MDN1: variants seen among roughly 807,000 people sequenced by gnomAD.
The protein encoded by MDN1 is midasin AAA ATPase 1, also known as midasin.
In MDN1, 266 loss-of-function variants were observed where a neutral mutation model predicts 669.2. The observed-to-expected ratio is 0.40, with a 90% CI of 0.36 to 0.44. MDN1 has a LOEUF of 0.44. MDN1 is among the 20% of genes least tolerant of loss of function. The pLI is 1.00. For synonymous variants in MDN1, 2,385 were observed against 2,457.1 expected (o/e 0.97, Z 0.87); for missense variants, 5,940 against 6,754.0 (o/e 0.88, Z 4.22).
At chr6:89,813,226 C>T (rs544464524) in intron 1 of MDN1, among the ~76,000 whole-genome samples, 13 of 152,282 alleles carry the variant, frequency 8.5e-5, no homozygotes, top group African/African-American at 2.4e-4. Flanking sequence ...CCTGAGCCAT[C>T]GTGCCCGGCC....
Position 89,664,552 on chromosome 6 carries a change from T to A in MDN1, c.14171A>T (p.Asp4724Val). The change falls in exon 85 of 102, where the codon GAT becomes GTT. Residue 4724 changes from aspartate to valine, a missense_variant. Physicochemically the swap from Asp to Val is radical, Grantham distance 152 (BLOSUM62 -3). Transcript: ENST00000369393. ...PDSKSDIKGE[D>V]NAIEMSEDFD... is the part of the protein sequence containing the mutation. ...ATCTTCCGACATCTCAATGGCATTA[T>A]CCTCGCCCTTAATATCAGATTTTGA... 1 of 1,613,988 alleles carries A rather than the reference T, an allele frequency of 6.2e-7. No homozygotes were observed. The highest frequency in any genetic ancestry group is 8.5e-7 in the Non-Finnish European group (1 of 1,179,850).
chr6:89,805,541 T>C (rs1428295866), intron 1 of MDN1, among the ~76,000 whole-genome samples: 1 of 151,964 alleles, frequency 6.6e-6, no homozygotes, highest in Non-Finnish European at 1.5e-5. Context: ...TAAAGCCCTG[T>C]CTCCCCCCAC....
At chr6:89,701,750 A>G (rs1813176667) in intron 54 of MDN1, 72 bp from the exon 55 acceptor site, 2 of 1,548,950 alleles carry the variant, frequency 1.3e-6, no homozygotes. Context: ...GAAGCCATTA[A>G]TATTTTCTTT....
At chr6:89,780,836 A>T (rs1818632447) in intron 10 of MDN1, among the ~76,000 whole-genome samples, 1 of 149,860 alleles carries the variant, frequency 6.7e-6, no homozygotes, top group Non-Finnish European at 1.5e-5. Flanking sequence ...TTTTTAGTAG[A>T]GATGGGGTTT....
intron 1 of MDN1, among the ~76,000 whole-genome samples, chr6:89,817,691 T>G (rs1443479947): frequency 6.6e-6 from 1 of 152,154 alleles, no homozygotes; most frequent in Non-Finnish European, 1.5e-5. Context: ...GGGAGGTGAC[T>G]CCAGTCAACA....
intron 101 of MDN1, 75 bp from the exon 102 acceptor site, chr6:89,644,268 CTT>C (rs1808335761): frequency 8.2e-7 from 1 of 1,222,764 alleles, no homozygotes; most frequent in Non-Finnish European, 1.1e-6. Context: ...TCTGTGATCT[CTT>C]TTGCTAACTT....
At position 89,771,626 on chromosome 6, in the gene MDN1, T is replaced by C. The variant is rs753930111; in HGVS notation, c.2084-5A>G. 3.1e-6 allele frequency: 5 copies of C among 1,613,308 alleles called. No individual in the cohort carries two copies. The highest frequency in any genetic ancestry group is 1.7e-5 in the Admixed American group (1 of 59,976). On this transcript the variant is annotated splice_polypyrimidine_tract_variant and splice_region_variant and intron_variant, in intron 14 of 101. Transcript: ENST00000369393. The stretch of plus-strand genomic sequence containing the variant: ...TGACAACCCTCAAACGGTGGCCTTT[T>C]ATAAAGAAAGTGCAAAAGTGTTACT...
intron 69 of MDN1, among the ~76,000 whole-genome samples, 178 bp from the exon 70 acceptor site, chr6:89,686,151 G>A (rs1182930930): frequency 6.6e-6 from 1 of 152,212 alleles, no homozygotes; most frequent in Non-Finnish European, 1.5e-5. Context: ...ACAGGCCGGT[G>A]TGGTGGCTCA....
At position 89,712,704 on chromosome 6, in the gene MDN1, A is replaced by G. The variant is rs780187804; in HGVS notation, c.7301T>C (p.Leu2434Pro). 6.2e-7 allele frequency: 1 copy of G among 1,614,196 alleles called. No individual in the cohort carries two copies. The highest frequency in any genetic ancestry group is 2.2e-5 in the East Asian group (1 of 44,886). Reference protein sequence around the residue: ...TWGDSILGMGLWPDSVPSALF... With the variant: ...TWGDSILGMGPWPDSVPSALF... ...AGCTGAGGGCACAGAATCTGGCCAC[A>G]GTCCCATGCCAAGAATGGAGTCTCC... Residue 2434 changes from leucine (L) to proline (P), a missense_variant, in exon 48 of 102, where the codon CTG becomes CCG. Coordinates refer to ENST00000369393, the MANE Select transcript of MDN1 (RefSeq NM_014611.3).
At chr6:89,712,847 C>T (rs1562126838) in intron 47 of MDN1, 61 bp from the exon 48 acceptor site, 61 of 1,485,328 alleles carry the variant, frequency 4.1e-5, no homozygotes, top group Non-Finnish European at 5.5e-5. Context: ...TCCCCAAAAA[C>T]CAGCAAAGTA....
chr6:89,752,921 G>A (rs1195117287), intron 22 of MDN1, among the ~76,000 whole-genome samples: 3 of 151,956 alleles, frequency 2.0e-5, no homozygotes, highest in African/African-American at 7.3e-5. Context: ...TCAGGAGTTC[G>A]AGACCAGCCT....
chr6:89,670,148 ATATATATATATATATATATATATT>A lies in MDN1; in HGVS notation c.13956+747_13956+770del, dbSNP rs1810565384. On this transcript the variant is annotated intron_variant, in intron 83 of 101. Coordinates refer to ENST00000369393, the MANE Select transcript of MDN1 (RefSeq NM_014611.3). ...TCTGTCTCCAAAAAAACATATATAT[ATATATATATATATATATATATATT>A]TTTTTTTTTTTTTTTTTTGAGATGC... Among the ~76,000 whole-genome samples the A allele has an allele frequency of 8.7e-5, 2 of 22,926 alleles. 1 individual carries two copies. The highest frequency in any genetic ancestry group is 1.4e-3 in the Admixed American group (2 of 1,466). The allele number at this position is 22,926 out of a possible 152,430, so 15.0% of individuals were successfully genotyped here.
chr6:89,678,541 A>C (rs576509369), intron 75 of MDN1, 58 bp downstream of exon 75: 1 of 1,576,688 alleles, frequency 6.3e-7, no homozygotes, highest in African/African-American at 1.4e-5. Flanking sequence ...CAGTCATGTC[A>C]TTTCTCTCCC....
intron 100 of MDN1, 122 bp from the exon 101 acceptor site, chr6:89,645,279 C>T: frequency 9.5e-7 from 1 of 1,054,344 alleles, no homozygotes; most frequent in Admixed American, 2.6e-5. Context: ...CTAAACAGAC[C>T]TCTAAAGCTG....
At chr6:89,711,443 G>A (rs1813909685) in intron 49 of MDN1, among the ~76,000 whole-genome samples, 1 of 152,184 alleles carries the variant, frequency 6.6e-6, no homozygotes, top group Non-Finnish European at 1.5e-5. Context: ...GGTATTATAA[G>A]TAATCCAGAG....
intron 1 of MDN1, among the ~76,000 whole-genome samples, chr6:89,817,256 G>A (rs1768903027): frequency 6.6e-6 from 1 of 152,122 alleles, no homozygotes; most frequent in Non-Finnish European, 1.5e-5. Context: ...CATGAGCCAT[G>A]GTCACTCACA....
intron 17 of MDN1, among the ~76,000 whole-genome samples, chr6:89,759,567 C>T (rs1290564880): frequency 1.3e-5 from 2 of 152,056 alleles, no homozygotes; most frequent in Non-Finnish European, 2.9e-5. Flanking sequence ...AGTTCGACAC[C>T]AGCCTGACCA....
At chr6:89,761,176 AAAAG>A (rs992162722) in intron 17 of MDN1, among the ~76,000 whole-genome samples, 1 of 152,120 alleles carries the variant, frequency 6.6e-6, no homozygotes, top group Non-Finnish European at 1.5e-5. Flanking sequence ...AAAAAAAAAG[AAAAG>A]AAAGTACAAA....
chr6:89,794,246 A>G lies in MDN1; in HGVS notation c.555-39T>C, dbSNP rs1451235532. 4.3e-6 allele frequency: 5 copies of G among 1,152,840 alleles called. No individual in the cohort carries two copies. In the African/African-American group the frequency reaches 7.8e-5, roughly 18 times the overall value. The allele number at this position is 1,152,840 out of a possible 1,614,324, so 71.4% of individuals were successfully genotyped here. ...AAGTATGTAAATTCAGTTTATCTGCAGTTGATAATAAAGAATAAATAAAAT... is the reference window on the plus strand; with the variant it reads ...AAGTATGTAAATTCAGTTTATCTGCGGTTGATAATAAAGAATAAATAAAAT... On this transcript the variant is annotated intron_variant, in intron 3 of 101. Transcript: ENST00000369393.
Sources: allele counts gnomAD v4.1 joint callset (sites outside exome capture counted in the v4.1 genomes callset), GRCh38; gene constraint gnomAD v4.1.1; transcripts MANE v1.5; gene names NCBI Gene and HGNC (gene_info 2026-07-23, HGNC 2026-07-21).